Variants in CTXND1 observed in about 807,000 individuals in gnomAD.
CTXND1 encodes cortexin domain containing 1.
In CTXND1 at chr15:80,201,988, G is replaced by A. The variant is rs1014871877; in HGVS notation, c.-39C>T. 24 of 398,870 alleles carry A rather than the reference G, an allele frequency of 6.0e-5. No individual in the cohort carries two copies. The highest frequency in any genetic ancestry group is 1.3e-4 in the South Asian group (1 of 7,822). The allele number at this position is 398,870 out of a possible 1,614,324, so 24.7% of individuals were successfully genotyped here. On this transcript the variant is annotated 5_prime_UTR_variant, in exon 3 of 3. Transcript: ENST00000560778. Reference sequence around the variant, plus strand: ...CTGCGGGCTGCTCCTCCTCCGCCTCGGGTTTGACTGGTACCATTTTCCACC... The same window carrying A: ...CTGCGGGCTGCTCCTCCTCCGCCTCAGGTTTGACTGGTACCATTTTCCACC...
intron 1 of CTXND1, among the ~76,000 whole-genome samples, chr15:80,215,064 G>T (rs963637680): frequency 6.6e-6 from 1 of 152,154 alleles, no homozygotes; most frequent in Admixed American, 6.5e-5. Flanking sequence ...AGTTAAAATT[G>T]GCTCAAAATG....
chr15:80,231,289 T>A (rs1893426005), intron 1 of CTXND1, among the ~76,000 whole-genome samples: 1 of 151,430 alleles, frequency 6.6e-6, no homozygotes, highest in Non-Finnish European at 1.5e-5. Context: ...CCTTGCCCCA[T>A]CCAAATCTAA....
chr15:80,237,338 A>G (rs1213465336), intron 1 of CTXND1, among the ~76,000 whole-genome samples: 52 of 61,402 alleles, frequency 8.5e-4, no homozygotes, highest in African/African-American at 2.8e-3. Flanking sequence ...GTGTCTCAGA[A>G]AAAAAAAAAA....
chr15:80,249,985 G>A (rs1285015292), intron 1 of CTXND1, among the ~76,000 whole-genome samples: 1 of 152,144 alleles, frequency 6.6e-6, no homozygotes, highest in Non-Finnish European at 1.5e-5. Flanking sequence ...CTCAGTCTAG[G>A]AACCATGTCA....
At position 80,202,033 on chromosome 15, in the gene CTXND1, C is replaced by A. The variant is rs1300220599; in HGVS notation, c.-65-19G>T. 5.0e-6 allele frequency: 2 copies of A among 398,214 alleles called. No individual in the cohort carries two copies. Among genetic ancestry groups the A allele is most frequent in the Non-Finnish European group, 8.8e-6 (2 of 226,084 alleles). 24.7% of individuals were successfully genotyped at this position (398,214 alleles called of 1,614,324 possible). The stretch of plus-strand genomic sequence containing the variant: ...TCCACCCCTGCAGAGACAGCCACAG[C>A]AGTGGGGAAGGAGGGGCATGGTCAG... On this transcript the variant is annotated intron_variant, in intron 2 of 2. Coordinates refer to ENST00000560778, the MANE Select transcript of CTXND1 (RefSeq NM_001352888.2).
chr15:80,222,627 T>G (rs4778765), intron 1 of CTXND1, among the ~76,000 whole-genome samples: 37,202 of 152,096 alleles, frequency 0.24, 4,955 homozygotes, highest in Middle Eastern at 0.32. Context: ...TCCTCTCTTT[T>G]TAATGCAATT....
intron 1 of CTXND1, among the ~76,000 whole-genome samples, chr15:80,250,001 A>G (rs895456622): frequency 1.3e-5 from 2 of 152,242 alleles, no homozygotes; most frequent in African/African-American, 4.8e-5. Context: ...TGTCAGTTTT[A>G]TAAACACTGT....
chr15:80,238,049 A>G (rs144849912), intron 1 of CTXND1, among the ~76,000 whole-genome samples: 190 of 151,286 alleles, frequency 1.3e-3, no homozygotes, highest in African/African-American at 4.3e-3. Flanking sequence ...ATTTAAGTTT[A>G]TAAAGCAAAA....
At chr15:80,225,222 C>T (rs778157176) in intron 1 of CTXND1, among the ~76,000 whole-genome samples, 1 of 152,168 alleles carries the variant, frequency 6.6e-6, no homozygotes, top group East Asian at 1.9e-4. Context: ...TTTTATTTTT[C>T]TTTCCATTGT....
At chr15:80,216,380 G>C (rs566488900) in intron 1 of CTXND1, among the ~76,000 whole-genome samples, 1 of 152,134 alleles carries the variant, frequency 6.6e-6, no homozygotes, top group Non-Finnish European at 1.5e-5. Flanking sequence ...GGGAAGAGAG[G>C]TTTCTTTTCC....
At chr15:80,204,412 CTG>C (rs1486161371) in intron 1 of CTXND1, among the ~76,000 whole-genome samples, 2 of 150,586 alleles carry the variant, frequency 1.3e-5, no homozygotes, top group Non-Finnish European at 3.0e-5. Context: ...GCAAAACAAA[CTG>C]TGCGCTCATT....
rs1407547680 is a variant in CTXND1, at chr15:80,198,977, T to C, written c.*2793A>G. 1 of 152,186 alleles carries C rather than the reference T, an allele frequency of 6.6e-6. No homozygotes were observed. The highest frequency in any genetic ancestry group is 1.5e-5 in the Non-Finnish European group (1 of 68,036). The allele number at this position is 152,186 out of a possible 1,614,324, so 9.4% of individuals were successfully genotyped here. On this transcript the variant is annotated 3_prime_UTR_variant, in exon 3 of 3. Transcript: ENST00000560778. The stretch of plus-strand genomic sequence containing the variant: ...AAAATTATGTAGCAGATCATCTTTA[T>C]GAAAAAAAATCTTGCATGAGGACAA...
intron 2 of CTXND1, among the ~76,000 whole-genome samples, 174 bp downstream of exon 2, chr15:80,203,415 T>C (rs1029832257): frequency 6.6e-6 from 1 of 152,224 alleles, no homozygotes; most frequent in African/African-American, 2.4e-5. Flanking sequence ...CCTACATGTC[T>C]CTGCCTCCTG....
chr15:80,205,938 T>C (rs1175163414), intron 1 of CTXND1, among the ~76,000 whole-genome samples: 1 of 151,770 alleles, frequency 6.6e-6, no homozygotes, highest in Non-Finnish European at 1.5e-5. Context: ...GAAAATCAAG[T>C]TATCCTTTAT....
rs909112961 is a variant in CTXND1 at position 80,195,986 on chromosome 15, T to G, written c.*5784A>C. 10 of 152,274 alleles carry G rather than the reference T, an allele frequency of 6.6e-5. No homozygotes were observed. The highest frequency in any genetic ancestry group is 5.9e-4 in the Admixed American group (9 of 15,278). 9.4% of individuals were successfully genotyped at this position (152,274 alleles called of 1,614,324 possible). On this transcript the variant is annotated 3_prime_UTR_variant, in exon 3 of 3. Transcript: ENST00000560778. ...AAATATTGGCAGAGAAAGAGATCAC[T>G]GCACTGTCAGGATGGTTAACCCCAA...
At chr15:80,203,409 C>T (rs1191250648) in intron 2 of CTXND1, among the ~76,000 whole-genome samples, 180 bp downstream of exon 2, 1 of 152,232 alleles carries the variant, frequency 6.6e-6, no homozygotes, top group African/African-American at 2.4e-5. Flanking sequence ...GAGGTCCCTA[C>T]ATGTCTCTGC....
At chr15:80,222,092 A>G (rs1893325229) in intron 1 of CTXND1, among the ~76,000 whole-genome samples, 2 of 152,168 alleles carry the variant, frequency 1.3e-5, no homozygotes, top group African/African-American at 4.8e-5. Flanking sequence ...GATTTTAGAT[A>G]TATTCATTAA....
At chr15:80,230,091 A>G (rs1893412196) in intron 1 of CTXND1, among the ~76,000 whole-genome samples, 1 of 152,196 alleles carries the variant, frequency 6.6e-6, no homozygotes, top group South Asian at 2.1e-4. Flanking sequence ...TTTTCTAGAT[A>G]CTTTTATAGA....
intron 1 of CTXND1, among the ~76,000 whole-genome samples, chr15:80,251,483 G>A (rs1893695985): frequency 6.6e-6 from 1 of 152,196 alleles, no homozygotes; most frequent in Non-Finnish European, 1.5e-5. Context: ...GAAAAAATCT[G>A]TTCTATGTGA....
Sources: gnomAD v4.1 joint callset for allele counts (sites outside exome capture counted in the v4.1 genomes callset) on GRCh38, gnomAD v4.1.1 for gene constraint, MANE v1.5 for transcripts, NCBI Gene and HGNC (gene_info 2026-07-23, HGNC 2026-07-21) for gene names.